PLCB1: variants seen among roughly 807,000 people sequenced by gnomAD.
The protein encoded by PLCB1 is phospholipase C beta 1, also known as 1-phosphatidylinositol 4,5-bisphosphate phosphodiesterase beta-1.
A neutral mutation model predicts 161.8 loss-of-function variants in PLCB1; 46 were observed. The observed-to-expected ratio is 0.28, with a 90% CI of 0.22 to 0.36. The LOEUF (loss-of-function observed/expected upper bound fraction) is 0.36, where lower values mean the gene tolerates loss of function less well. Among genes scored for constraint, PLCB1 ranks in the 10% least tolerant of loss-of-function variants. The pLI is 1.00. For missense variants in PLCB1, 1,016 were observed against 1,472.5 expected, an observed-to-expected ratio of 0.69 and a Z score of 5.07; for synonymous variants, 517 against 503.7, an observed-to-expected ratio of 1.03 and a Z score of -0.35.
At chr20:8,819,802 G>C (rs1231488207) in intron 31 of PLCB1, among the ~76,000 whole-genome samples, 1 of 151,974 alleles carries the variant, frequency 6.6e-6, no homozygotes, top group African/African-American at 2.4e-5. Flanking sequence ...CCATATCCTT[G>C]AAAATTACTT....
At chr20:8,762,979 CAT>C (rs1982122698) in intron 25 of PLCB1, among the ~76,000 whole-genome samples, 1 of 152,120 alleles carries the variant, frequency 6.6e-6, no homozygotes, top group Non-Finnish European at 1.5e-5. Flanking sequence ...ACCATGGAAA[CAT>C]GTGAACTATG....
intron 25 of PLCB1, among the ~76,000 whole-genome samples, chr20:8,762,323 G>A (rs1330325463): frequency 6.6e-6 from 1 of 152,084 alleles, no homozygotes; most frequent in Non-Finnish European, 1.5e-5. Context: ...TGGACAAAAG[G>A]CAATGGTCTG....
chr20:8,829,793 T>C (rs1272982587), intron 31 of PLCB1, among the ~76,000 whole-genome samples: 1 of 152,226 alleles, frequency 6.6e-6, no homozygotes, highest in Non-Finnish European at 1.5e-5. Context: ...TAAAAAGTAC[T>C]CAGTGTAAAA....
intron 31 of PLCB1, among the ~76,000 whole-genome samples, chr20:8,819,994 A>G: frequency 6.7e-6 from 1 of 149,416 alleles, no homozygotes; most frequent in East Asian, 1.9e-4. Context: ...AGTAAAACCT[A>G]TTCATCCTCC....
intron 2 of PLCB1, among the ~76,000 whole-genome samples, chr20:8,363,379 TGTG>T (rs1986605226): frequency 1.3e-5 from 2 of 152,094 alleles, no homozygotes; most frequent in African/African-American, 4.8e-5. Context: ...TTCAGTTCCT[TGTG>T]GTGGTAGAAC....
chr20:8,184,769 T>TTTATTATTATTATTATTA (rs57793768), intron 2 of PLCB1, among the ~76,000 whole-genome samples: 3 of 141,916 alleles, frequency 2.1e-5, no homozygotes, highest in Admixed American at 1.4e-4. Context: ...TGGCAATACC[T>TTTATTATTATTATTATTA]TTATTATTAT....
chr20:8,772,665 G>T (rs1982748690), intron 26 of PLCB1, among the ~76,000 whole-genome samples: 1 of 152,236 alleles, frequency 6.6e-6, no homozygotes, highest in Non-Finnish European at 1.5e-5. Context: ...GGGCGCGGTG[G>T]CTCATGCCTG....
intron 3 of PLCB1, among the ~76,000 whole-genome samples, chr20:8,432,482 T>C (rs985338048): frequency 1.3e-5 from 2 of 152,208 alleles, no homozygotes; most frequent in African/African-American, 4.8e-5. Context: ...TTAACCTTAA[T>C]TACTTCTTTC....
At chr20:8,744,576 C>T (rs544262937) in intron 23 of PLCB1, among the ~76,000 whole-genome samples, 1 of 137,522 alleles carries the variant, frequency 7.3e-6, no homozygotes, top group South Asian at 2.2e-4. Flanking sequence ...CTACTATACC[C>T]TAGCCTGGGC....
chr20:8,410,580 C>T (rs1432988547), intron 3 of PLCB1, among the ~76,000 whole-genome samples: 2 of 151,928 alleles, frequency 1.3e-5, no homozygotes, highest in Non-Finnish European at 2.9e-5. Flanking sequence ...ATGCATGAAC[C>T]ACACTTGACA....
intron 3 of PLCB1, among the ~76,000 whole-genome samples, chr20:8,594,570 TG>T (rs2123118682): frequency 6.6e-6 from 1 of 151,678 alleles, no homozygotes; most frequent in African/African-American, 2.4e-5. Flanking sequence ...ACTTAGTGCC[TG>T]GTAACTTAAG....
At chr20:8,604,956 A>G (rs991086283) in intron 3 of PLCB1, among the ~76,000 whole-genome samples, 3 of 152,060 alleles carry the variant, frequency 2.0e-5, no homozygotes, top group Non-Finnish European at 2.9e-5. Flanking sequence ...AAGTAAATTT[A>G]TTTTTTAAAA....
At chr20:8,324,996 C>T (rs1434804901) in intron 2 of PLCB1, among the ~76,000 whole-genome samples, 1 of 152,162 alleles carries the variant, frequency 6.6e-6, no homozygotes, top group East Asian at 1.9e-4. Flanking sequence ...ACAGTACAGA[C>T]ACAAACAGGT....
intron 3 of PLCB1, among the ~76,000 whole-genome samples, chr20:8,393,486 T>G (rs2122441323): frequency 6.6e-6 from 1 of 151,946 alleles, no homozygotes; most frequent in South Asian, 2.1e-4. Flanking sequence ...CAAAGCCCTA[T>G]CTCTTAAAAA....
intron 31 of PLCB1, among the ~76,000 whole-genome samples, chr20:8,828,218 G>C (rs1985807215): frequency 6.6e-6 from 1 of 152,150 alleles, no homozygotes; most frequent in African/African-American, 2.4e-5. Context: ...TGTATCCAAA[G>C]GCTCCATCAA....
intron 24 of PLCB1, among the ~76,000 whole-genome samples, chr20:8,758,827 ATATTTTT>A (rs1257911553): frequency 6.6e-6 from 1 of 152,168 alleles, no homozygotes; most frequent in East Asian, 1.9e-4. Flanking sequence ...CTTACAGAAA[ATATTTTT>A]TAAATGGCAC....
intron 2 of PLCB1, among the ~76,000 whole-genome samples, chr20:8,192,510 ATT>A (rs1555789187): frequency 1.4e-5 from 2 of 143,930 alleles, no homozygotes; most frequent in Non-Finnish European, 1.5e-5. Context: ...GCATTGGTAG[ATT>A]TTTTTTTTTT....
intron 3 of PLCB1, among the ~76,000 whole-genome samples, chr20:8,417,052 CACATAT>C (rs1460294919): frequency 0.011 from 724 of 63,106 alleles, 17 homozygotes; most frequent in Middle Eastern, 0.022. Context: ...CACACACACA[CACATAT>C]ATATATATAT....
intron 27 of PLCB1, among the ~76,000 whole-genome samples, chr20:8,787,199 C>T (rs946327232): frequency 3.3e-5 from 5 of 152,150 alleles, no homozygotes; most frequent in African/African-American, 1.2e-4. Flanking sequence ...AGGTTATCTC[C>T]ACAAGGCTGG....
Sources: gnomAD v4.1 joint callset for allele counts (sites outside exome capture counted in the v4.1 genomes callset) on GRCh38, gnomAD v4.1.1 for gene constraint, MANE v1.5 for transcripts, NCBI Gene and HGNC (gene_info 2026-07-23, HGNC 2026-07-21) for gene names.